RGS20: variants seen among roughly 807,000 people sequenced by gnomAD.
The protein encoded by RGS20 is gz-selective GTPase-activating protein.
A neutral mutation model predicts 33.6 loss-of-function variants in RGS20; 30 were observed. The ratio of observed to expected loss-of-function variants is 0.89; its 90% CI spans 0.67 to 1.21. The LOEUF is 1.21. Among genes scored for constraint, RGS20 ranks in the 50% most tolerant of loss-of-function variants. The pLI, the probability that RGS20 is intolerant of heterozygous loss-of-function variation, is 0.00. For missense variants in RGS20, 472 were observed against 502.4 expected, an observed-to-expected ratio of 0.94 and a Z score of 0.58; for synonymous variants, 208 against 197.9, an observed-to-expected ratio of 1.05 and a Z score of -0.43.
intron 1 of RGS20, among the ~76,000 whole-genome samples, chr8:53,858,319 A>G (rs867855223): frequency 2.6e-5 from 4 of 152,310 alleles, no homozygotes; most frequent in Middle Eastern, 6.8e-3. Flanking sequence ...TCCACTTACA[A>G]TTCTGATTAA....
chr8:53,893,074 G>A (rs573426374), intron 2 of RGS20, among the ~76,000 whole-genome samples: 5 of 152,122 alleles, frequency 3.3e-5, no homozygotes, highest in East Asian at 3.9e-4. Flanking sequence ...TAACTACTTC[G>A]TGTTATATCA....
At chr8:53,917,917 C>T (rs780541571) in intron 2 of RGS20, among the ~76,000 whole-genome samples, 11 of 152,220 alleles carry the variant, frequency 7.2e-5, no homozygotes, top group Non-Finnish European at 1.2e-4. Flanking sequence ...CCCTAGGCAA[C>T]CACTATTCTA....
At chr8:53,903,204 A>G (rs1030272933) in intron 2 of RGS20, among the ~76,000 whole-genome samples, 11 of 152,228 alleles carry the variant, frequency 7.2e-5, no homozygotes, top group African/African-American at 1.9e-4. Context: ...ATACATAACT[A>G]TACATTTTTC....
At chr8:53,909,006 G>A (rs185685175) in intron 2 of RGS20, among the ~76,000 whole-genome samples, 5 of 151,402 alleles carry the variant, frequency 3.3e-5, no homozygotes, top group African/African-American at 1.2e-4. Flanking sequence ...AACAGTTGTT[G>A]AGCATTTAAT....
intron 2 of RGS20, 141 bp downstream of exon 1, chr8:53,881,225 G>T (rs564842137): frequency 4.9e-6 from 3 of 607,370 alleles, no homozygotes; most frequent in Non-Finnish European, 7.9e-6. Flanking sequence ...GGCGGGAGCC[G>T]GTGCGAGTCG....
chr8:53,946,254 G>A (rs1273322254), intron 3 of RGS20, among the ~76,000 whole-genome samples: 1 of 151,796 alleles, frequency 6.6e-6, no homozygotes, highest in African/African-American at 2.4e-5. Context: ...ATAGAGACAG[G>A]GTCTCGCTAT....
chr8:53,957,374 C>T (rs1050508921), intron 5 of RGS20, among the ~76,000 whole-genome samples: 2 of 152,206 alleles, frequency 1.3e-5, no homozygotes, highest in African/African-American at 4.8e-5. Flanking sequence ...GGATTACAGG[C>T]GTGAGCCACC....
intron 2 of RGS20, chr8:53,879,998 C>T: frequency 4.8e-6 from 1 of 209,638 alleles, no homozygotes; most frequent in Non-Finnish European, 9.4e-6. Context: ...GCCCTCTCGG[C>T]AGGCAAGGGA....
At position 53,879,392 on chromosome 8, in the gene RGS20, G is replaced by T; in HGVS notation, c.300G>T (p.Arg100Ser). 2 of 1,611,024 alleles carry T rather than the reference G, an allele frequency of 1.2e-6. No homozygotes were observed. Among genetic ancestry groups the T allele is most frequent in the Non-Finnish European group, 1.7e-6 (2 of 1,179,628 alleles). Residue 100 changes from arginine to serine, a missense_variant, in exon 2 of 6, where the codon AGG becomes AGT. This residue lies in a region of RGS20 where 319 missense variants were observed against 283.4 expected (regional missense o/e 1.13). Coordinates refer to ENST00000297313, the MANE Select transcript of RGS20 (RefSeq NM_170587.4). Reference sequence around the variant, plus strand: ...GACCCCCTCCCGAGGCTCCCCGGAGGCGCCTGGACTTCTCCCCCCTGCTTC... The same window carrying T: ...GACCCCCTCCCGAGGCTCCCCGGAGTCGCCTGGACTTCTCCCCCCTGCTTC...
intron 1 of RGS20, among the ~76,000 whole-genome samples, chr8:53,872,425 T>C (rs1264957770): frequency 6.6e-6 from 1 of 152,216 alleles, no homozygotes; most frequent in Non-Finnish European, 1.5e-5. Context: ...TCAGGCTATA[T>C]GGACCCTTAA....
At chr8:53,945,387 G>A (rs1253058596) in intron 3 of RGS20, 3 of 152,186 alleles carry the variant, frequency 2.0e-5, no homozygotes, top group Non-Finnish European at 4.4e-5. Flanking sequence ...TCCACAACAG[G>A]CAAATCTATA....
intron 2 of RGS20, among the ~76,000 whole-genome samples, chr8:53,920,120 C>A (rs575774776): frequency 1.3e-5 from 2 of 152,258 alleles, no homozygotes; most frequent in South Asian, 4.1e-4. Context: ...AGTGATCCAC[C>A]CACCTCAGCC....
intron 2 of RGS20, among the ~76,000 whole-genome samples, chr8:53,888,396 G>C (rs1812607605): frequency 6.6e-6 from 1 of 152,118 alleles, no homozygotes; most frequent in African/African-American, 2.4e-5. Context: ...CACATCTTAA[G>C]AGTACAGCTT....
intron 1 of RGS20, among the ~76,000 whole-genome samples, chr8:53,875,634 TCCA>T (rs1426790093): frequency 6.6e-6 from 1 of 152,128 alleles, no homozygotes; most frequent in Non-Finnish European, 1.5e-5. Flanking sequence ...TCTGGCCCAC[TCCA>T]CTTCCCTTTC....
intron 2 of RGS20, among the ~76,000 whole-genome samples, chr8:53,899,307 G>A (rs1336122504): frequency 3.9e-5 from 6 of 152,252 alleles, no homozygotes; most frequent in African/African-American, 1.2e-4. Context: ...AAAGGGGAAC[G>A]ACTTAGCCAA....
intron 2 of RGS20, chr8:53,913,585 A>G (rs777103731): frequency 6.6e-6 from 1 of 152,182 alleles, no homozygotes; most frequent in Non-Finnish European, 1.5e-5. Flanking sequence ...ACGACTGGTG[A>G]CCTTATAAGG....
intron 2 of RGS20, among the ~76,000 whole-genome samples, chr8:53,904,670 T>C (rs1015503438): frequency 6.6e-6 from 1 of 152,184 alleles, no homozygotes; most frequent in Non-Finnish European, 1.5e-5. Context: ...TTTAATACTT[T>C]CAGAGGTGCC....
intron 2 of RGS20, among the ~76,000 whole-genome samples, chr8:53,934,842 T>C (rs1004499427): frequency 1.3e-5 from 2 of 152,096 alleles, no homozygotes; most frequent in African/African-American, 4.8e-5. Context: ...TATTCTAAAA[T>C]TGACCACATA....
intron 2 of RGS20, among the ~76,000 whole-genome samples, chr8:53,900,680 G>A (rs954776900): frequency 2.0e-4 from 31 of 152,128 alleles, no homozygotes; most frequent in African/African-American, 7.0e-4. Flanking sequence ...ACATGAGGAC[G>A]TGGAGGCTTA....
Sources: allele counts gnomAD v4.1 joint callset (sites outside exome capture counted in the v4.1 genomes callset), GRCh38; gene constraint gnomAD v4.1.1; regional missense constraint gnomAD v4.1.1; transcripts MANE v1.5; gene names NCBI Gene and HGNC (gene_info 2026-07-23, HGNC 2026-07-21).